The following GNPTAB variants were observed in gnomAD, a reference collection of about 807,000 sequenced individuals.
GNPTAB encodes N-acetylglucosamine-1-phosphotransferase subunits alpha/beta.
GNPTAB carries 92 observed loss-of-function variants against 136.6 expected under a neutral mutation model. The observed-to-expected ratio is 0.67, with a 90% CI of 0.57 to 0.80. The LOEUF is 0.80. Among genes scored for constraint, GNPTAB ranks in the 30% least tolerant of loss-of-function variants. The probability of loss-of-function intolerance (pLI) is 0.00; values close to 1 mark genes in which losing one functional copy is unlikely to be tolerated. For missense variants in GNPTAB, 1,343 were observed against 1,501.8 expected (o/e 0.89, Z 1.75); for synonymous variants, 512 against 535.1 (o/e 0.96, Z 0.60).
In GNPTAB at chr12:101,760,053, C is replaced by T. The variant is rs1952968535; in HGVS notation, c.3226G>A (p.Glu1076Lys). The T allele has an allele frequency of 6.2e-7, 1 of 1,610,404 alleles. No homozygotes were observed. Among genetic ancestry groups the T allele is most frequent in the Non-Finnish European group, 8.5e-7 (1 of 1,176,674 alleles). The change falls in exon 16 of 21, where the codon GAA becomes AAA. Residue 1076 changes from glutamate to lysine, a missense_variant. Glu to Lys is a moderately conservative substitution (Grantham distance 56, BLOSUM62 1). Transcript: ENST00000299314. ...TQLNNIPPTQ[E>K]SYYDPNLPPV... Reference sequence around the variant, plus strand: ...ACCAGGTTGGGATCATAGTAGGATTCCTGAGTTGGTGGAATATTATTTAGC... The same window carrying T: ...ACCAGGTTGGGATCATAGTAGGATTTCTGAGTTGGTGGAATATTATTTAGC...
Position 101,801,489 on chromosome 12 carries a change from T to G in GNPTAB, c.118-4727A>C, listed in dbSNP as rs1390955756. On this transcript the variant is annotated intron_variant, in intron 1 of 20. Transcript: ENST00000299314. Reference sequence around the variant, plus strand: ...TAGGAGGTGGAAGTTGCAGTGAGCATTTACTGTGCCACTGCACTCTAGCCT... The same window carrying G: ...TAGGAGGTGGAAGTTGCAGTGAGCAGTTACTGTGCCACTGCACTCTAGCCT... Among the ~76,000 whole-genome samples, 8 of 136,912 alleles carry G rather than the reference T, an allele frequency of 5.8e-5. No individual in the cohort carries two copies. The Admixed American group carries it at 6.3e-4, about 11-fold the overall frequency. 89.8% of individuals were successfully genotyped at this position (136,912 alleles called of 152,430 possible). A position where few individuals can be genotyped will look rare whatever the true frequency, so the allele number is the denominator to read the frequency against.
intron 7 of GNPTAB, among the ~76,000 whole-genome samples, chr12:101,776,363 C>A (rs1191928202): frequency 1.3e-5 from 2 of 152,104 alleles, no homozygotes; most frequent in African/African-American, 4.8e-5. Flanking sequence ...GTCCGTCATA[C>A]ACAAAAATTA....
At chr12:101,814,952 T>A (rs1594257667) in intron 1 of GNPTAB, among the ~76,000 whole-genome samples, 1 of 152,338 alleles carries the variant, frequency 6.6e-6, no homozygotes, top group Admixed American at 6.5e-5. Context: ...AGGCAAATAA[T>A]GTCCTAATAT....
intron 2 of GNPTAB, chr12:101,796,171 C>A: frequency 1.4e-6 from 1 of 699,584 alleles, no homozygotes; most frequent in East Asian, 2.7e-5. Flanking sequence ...ACGCTGTCAA[C>A]AGAATTCCGG....
At position 101,786,050 on chromosome 12, in the gene GNPTAB, G is replaced by C. The variant is rs139021858; in HGVS notation, c.533C>G (p.Thr178Ser). The change falls in exon 5 of 21, where the codon ACC becomes AGC. Residue 178 changes from threonine (T) to serine (S), a missense_variant. Transcript: ENST00000299314. ...FNVAKPKNPS[T>S]NVSVVVFDST... ...GTCAAAAACAACAACTGAGACATTG[G>C]TAGAAGGGTTTTTTGGTTTTGCAAC... 6.2e-7 allele frequency: 1 copy of C among 1,613,954 alleles called. No individual in the cohort carries two copies. Among genetic ancestry groups the C allele is most frequent in the Non-Finnish European group, 8.5e-7 (1 of 1,179,870 alleles).
At chr12:101,790,471 GAAC>G (rs1226611662) in intron 2 of GNPTAB, among the ~76,000 whole-genome samples, 1 of 152,146 alleles carries the variant, frequency 6.6e-6, no homozygotes, top group Non-Finnish European at 1.5e-5. Flanking sequence ...GAAGTTTAAA[GAAC>G]AAAATTACAG....
intron 20 of GNPTAB, among the ~76,000 whole-genome samples, chr12:101,748,371 T>C (rs866110222): frequency 1.3e-5 from 2 of 152,240 alleles, no homozygotes; most frequent in African/African-American, 4.8e-5. Context: ...GTCACCTTGA[T>C]TGGAGGCAGA....
In GNPTAB at chr12:101,810,422, T is replaced by TATATATAC. The variant is rs1333881296; in HGVS notation, c.118-13661_118-13660insGTATATAT. The TATATATAC allele has an allele frequency of 6.4e-5, 6 of 94,470 alleles. No individual in the cohort carries two copies. The East Asian group carries it at 1.5e-3, about 24-fold the overall frequency. 5.9% of individuals were successfully genotyped at this position (94,470 alleles called of 1,614,324 possible). A position where few individuals can be genotyped will look rare whatever the true frequency, so the allele number is the denominator to read the frequency against. ...ATATATATATATATATATATATATA[T>TATATATAC]ACACACACATACACACACACACACA... On this transcript the variant is annotated intron_variant, in intron 1 of 20. Coordinates refer to ENST00000299314, the MANE Select transcript of GNPTAB (RefSeq NM_024312.5).
chr12:101,784,228 A>G (rs1236590591), intron 5 of GNPTAB, among the ~76,000 whole-genome samples: 1 of 152,252 alleles, frequency 6.6e-6, no homozygotes, highest in African/African-American at 2.4e-5. Context: ...TTGTGAATAT[A>G]TTAGTCCAGG....
chr12:101,767,281 T>C (rs545857716), intron 11 of GNPTAB, among the ~76,000 whole-genome samples: 6 of 152,278 alleles, frequency 3.9e-5, no homozygotes, highest in Admixed American at 1.3e-4. Flanking sequence ...AATTGAAAGG[T>C]AGTAAGTAAA....
At chr12:101,812,986 GTTT>G (rs56900181) in intron 1 of GNPTAB, among the ~76,000 whole-genome samples, 1 of 117,564 alleles carries the variant, frequency 8.5e-6, no homozygotes, top group Non-Finnish European at 1.8e-5. Flanking sequence ...TTTTGTGTGT[GTTT>G]TTTTTTTTTT....
chr12:101,814,696 CATAA>C (rs1353689526), intron 1 of GNPTAB, among the ~76,000 whole-genome samples: 2 of 152,158 alleles, frequency 1.3e-5, no homozygotes, highest in African/African-American at 2.4e-5. Flanking sequence ...GACTCCATCT[CATAA>C]ATAAATAAAT....
At chr12:101,823,502 C>T (rs1238189464) in intron 1 of GNPTAB, among the ~76,000 whole-genome samples, 1 of 150,676 alleles carries the variant, frequency 6.6e-6, no homozygotes, top group African/African-American at 2.4e-5. Context: ...CCCAGCTACT[C>T]GGGAGGCTGA....
intron 15 of GNPTAB, among the ~76,000 whole-genome samples, chr12:101,760,800 G>C (rs1303941277): frequency 7.1e-6 from 1 of 140,992 alleles, no homozygotes. Context: ...TTTTTTTTGA[G>C]ACAGAGTCTC....
At position 101,820,844 on chromosome 12, in the gene GNPTAB, G is replaced by A. The variant is rs1476254762; in HGVS notation, c.117+9715C>T. On this transcript the variant is annotated intron_variant, in intron 1 of 20. Coordinates refer to ENST00000299314, the MANE Select transcript of GNPTAB (RefSeq NM_024312.5). Reference sequence around the variant, plus strand: ...AGGCCGAGGTGGGTGGATCACCTGAGGTCAGGAGTTCAAGACCAGCCTGGC... The same window carrying A: ...AGGCCGAGGTGGGTGGATCACCTGAAGTCAGGAGTTCAAGACCAGCCTGGC... 2.0e-5 allele frequency among the ~76,000 whole-genome samples: 3 copies of A among 152,008 alleles called. No individual in the cohort carries two copies. In the East Asian group the frequency reaches 5.8e-4, roughly 29 times the overall value.
At chr12:101,784,215 T>C (rs1477678507) in intron 5 of GNPTAB, among the ~76,000 whole-genome samples, 1 of 152,112 alleles carries the variant, frequency 6.6e-6, no homozygotes, top group Non-Finnish European at 1.5e-5. Flanking sequence ...AAAAATAAAA[T>C]CATTGTGAAT....
At position 101,753,534 on chromosome 12, in the gene GNPTAB, A is replaced by G; in HGVS notation, c.3440T>C (p.Phe1147Ser). The change falls in exon 19 of 21, where the codon TTT (phenylalanine) becomes TCT (serine). Residue 1147 changes from phenylalanine (F) to serine (S), a missense_variant. Phe to Ser is a radical substitution (Grantham distance 155, BLOSUM62 -2). Coordinates refer to ENST00000299314, the MANE Select transcript of GNPTAB (RefSeq NM_024312.5). ...GTCAATGTTGTCATTCAGGCAAACAAACTTCCTGAAATAACAGAGAGCCAG... is the reference window on the plus strand; with the variant it reads ...GTCAATGTTGTCATTCAGGCAAACAGACTTCCTGAAATAACAGAGAGCCAG... ...LDDIRKNPRK[F>S]VCLNDNIDHN... 6.2e-7 allele frequency: 1 copy of G among 1,613,234 alleles called. No homozygotes were observed. The highest frequency in any genetic ancestry group is 8.5e-7 in the Non-Finnish European group (1 of 1,179,188).
intron 5 of GNPTAB, among the ~76,000 whole-genome samples, chr12:101,783,613 G>A (rs952036985): frequency 1.3e-5 from 2 of 152,200 alleles, no homozygotes; most frequent in African/African-American, 4.8e-5. Flanking sequence ...CCAGGCTGCA[G>A]TTCGAATATG....
intron 5 of GNPTAB, 123 bp from the exon 6 acceptor site, chr12:101,780,744 G>C: frequency 1.4e-6 from 1 of 721,466 alleles, no homozygotes; most frequent in Non-Finnish European, 2.5e-6. Context: ...TCCAAAAAAA[G>C]GAAGCTGAAG....
Sources: allele counts gnomAD v4.1 joint callset (sites outside exome capture counted in the v4.1 genomes callset), GRCh38; gene constraint gnomAD v4.1.1; transcripts MANE v1.5; gene names NCBI Gene and HGNC (gene_info 2026-07-23, HGNC 2026-07-21).